Variants in IRAG1 observed in about 807,000 individuals in gnomAD.
The protein encoded by IRAG1 is inositol 1,4,5-triphosphate receptor associated 1, also known as IP3R-associated cGMP kinase substrate.
Under a neutral mutation model 106.2 loss-of-function variants are expected in IRAG1, and 62 were observed. That is an observed-to-expected ratio of 0.58 (90% CI 0.48 to 0.72). The LOEUF is 0.72. Ranked by LOEUF, IRAG1 falls within the 30% of genes least tolerant of loss-of-function variation. The pLI, the probability that IRAG1 is intolerant of heterozygous loss-of-function variation, is 0.00. For missense variants in IRAG1, 1,064 were observed against 1,140.7 expected (o/e 0.93, Z 0.97); for synonymous variants, 462 against 443.9 (o/e 1.04, Z -0.51).
chr11:10,640,167 T>C (rs1857417847), intron 2 of IRAG1, among the ~76,000 whole-genome samples: 1 of 152,208 alleles, frequency 6.6e-6, no homozygotes, highest in Admixed American at 6.5e-5. Context: ...GAGCTTTCTC[T>C]GCTTGCTGGC....
chr11:10,653,451 A>G (rs1169780609), intron 1 of IRAG1, among the ~76,000 whole-genome samples: 2 of 152,216 alleles, frequency 1.3e-5, no homozygotes, highest in African/African-American at 4.8e-5. Context: ...GCCTAGGAGT[A>G]TGATCCTGCC....
intron 1 of IRAG1, among the ~76,000 whole-genome samples, chr11:10,655,577 C>T (rs540136686): frequency 4.6e-5 from 7 of 152,244 alleles, no homozygotes; most frequent in African/African-American, 9.6e-5. Context: ...GGAGCGTTCT[C>T]GTAAAGCCTG....
At chr11:10,627,464 C>A (rs932954697) in intron 8 of IRAG1, among the ~76,000 whole-genome samples, 1 of 152,160 alleles carries the variant, frequency 6.6e-6, no homozygotes, top group African/African-American at 2.4e-5. Context: ...CAACCAGCAG[C>A]CTGACTGGGG....
intron 10 of IRAG1, among the ~76,000 whole-genome samples, chr11:10,613,651 A>G (rs1855162610): frequency 6.6e-6 from 1 of 152,236 alleles, no homozygotes; most frequent in South Asian, 2.1e-4. Flanking sequence ...TGTAAATGTT[A>G]TAACCTTAAT....
chr11:10,648,589 C>T (rs1858171769), intron 2 of IRAG1, among the ~76,000 whole-genome samples: 1 of 152,156 alleles, frequency 6.6e-6, no homozygotes, highest in Non-Finnish European at 1.5e-5. Context: ...AGGTCCCAGG[C>T]TTGTGTTCTG....
intron 1 of IRAG1, among the ~76,000 whole-genome samples, chr11:10,666,846 C>T (rs572800040): frequency 1.3e-5 from 2 of 152,290 alleles, no homozygotes; most frequent in African/African-American, 4.8e-5. Flanking sequence ...CTTCCTGGCC[C>T]AGGTTCCACA....
chr11:10,641,044 TTCTC>T (rs149513660), intron 2 of IRAG1, among the ~76,000 whole-genome samples: 2 of 150,980 alleles, frequency 1.3e-5, no homozygotes, highest in Non-Finnish European at 3.0e-5. Flanking sequence ...CATAACTGTA[TTCTC>T]TCTCTCTCTC....
chr11:10,653,042 CTCA>C (rs1858646183), intron 1 of IRAG1, among the ~76,000 whole-genome samples: 3 of 152,150 alleles, frequency 2.0e-5, no homozygotes, highest in Non-Finnish European at 2.9e-5. Flanking sequence ...TCAGCATAAT[CTCA>C]TCCACCTCCC....
At chr11:10,672,743 G>C (rs1312800733) in intron 1 of IRAG1, among the ~76,000 whole-genome samples, 1 of 152,174 alleles carries the variant, frequency 6.6e-6, no homozygotes, top group Non-Finnish European at 1.5e-5. Context: ...TGGCGTAACC[G>C]CTTTGGAAAA....
At chr11:10,669,960 C>T (rs1860089546) in intron 1 of IRAG1, among the ~76,000 whole-genome samples, 1 of 152,164 alleles carries the variant, frequency 6.6e-6, no homozygotes, top group African/African-American at 2.4e-5. Context: ...AAAAAGAGAG[C>T]AGAGGAAAGA....
chr11:10,666,123 G>A (rs1186328563), intron 1 of IRAG1, among the ~76,000 whole-genome samples: 7 of 152,156 alleles, frequency 4.6e-5, no homozygotes, highest in Admixed American at 6.5e-5. Flanking sequence ...GAATTTCTCC[G>A]CAGGGGAGTC....
chr11:10,653,183 G>A (rs141767448), intron 1 of IRAG1, among the ~76,000 whole-genome samples: 236 of 152,204 alleles, frequency 1.6e-3, no homozygotes, highest in South Asian at 4.4e-3. Context: ...CTGGTGCTAC[G>A]GACACTATTT....
At chr11:10,609,331 C>G (rs754483660) in intron 11 of IRAG1, among the ~76,000 whole-genome samples, 5 of 152,092 alleles carry the variant, frequency 3.3e-5, no homozygotes, top group Non-Finnish European at 5.9e-5. Flanking sequence ...TCACTTGAGG[C>G]CAGGAGTTCA....
chr11:10,648,129 C>T (rs1230754796), intron 2 of IRAG1, among the ~76,000 whole-genome samples: 2 of 152,078 alleles, frequency 1.3e-5, no homozygotes, highest in African/African-American at 4.8e-5. Context: ...TTTGGGAGGC[C>T]GAGGTGGGCA....
chr11:10,638,326 T>A (rs974946882), intron 2 of IRAG1, among the ~76,000 whole-genome samples: 2 of 152,206 alleles, frequency 1.3e-5, no homozygotes, highest in African/African-American at 4.8e-5. Context: ...TATCCTAAAT[T>A]GGCTTTCTTC....
At chr11:10,590,115 T>C (rs769088883) in intron 18 of IRAG1, among the ~76,000 whole-genome samples, 4 of 152,054 alleles carry the variant, frequency 2.6e-5, no homozygotes, top group Non-Finnish European at 5.9e-5. Context: ...TTTTAGTGGG[T>C]TTCTCAGTCA....
chr11:10,635,358 C>T (rs1857071947), intron 2 of IRAG1, among the ~76,000 whole-genome samples: 1 of 152,212 alleles, frequency 6.6e-6, no homozygotes, highest in Admixed American at 6.5e-5. Context: ...TGCCTCCTAG[C>T]GTCCCAGAGC....
chr11:10,582,071 G>A (rs1457850790), intron 18 of IRAG1, 85 bp from the exon 19 acceptor site: 74 of 1,468,950 alleles, frequency 5.0e-5, no homozygotes, highest in Non-Finnish European at 6.3e-5. Flanking sequence ...CCCGATTCCT[G>A]ATTAGGAGTG....
intron 7 of IRAG1, 79 bp from the exon 8 acceptor site, chr11:10,627,839 C>T: frequency 1.9e-6 from 3 of 1,599,222 alleles, no homozygotes; most frequent in Non-Finnish European, 2.6e-6. Context: ...CAAGGAGGCC[C>T]CCTAGCAGTG....
Sources: gnomAD v4.1 joint callset for allele counts (sites outside exome capture counted in the v4.1 genomes callset) on GRCh38, gnomAD v4.1.1 for gene constraint, MANE v1.5 for transcripts, NCBI Gene and HGNC (gene_info 2026-07-23, HGNC 2026-07-21) for gene names.